The following PRKN variants were observed in gnomAD, a reference collection of about 807,000 sequenced individuals.
The protein encoded by PRKN is E3 ubiquitin-protein ligase parkin.
Under a neutral mutation model 59.5 loss-of-function variants are expected in PRKN, and 56 were observed. The observed-to-expected ratio is 0.94, with a 90% CI of 0.76 to 1.18. The LOEUF (loss-of-function observed/expected upper bound fraction) is 1.18. Ranked by LOEUF, PRKN falls within the 50% of genes most tolerant of loss-of-function variation. The pLI is 0.00. For synonymous variants in PRKN, 250 were observed against 222.1 expected (o/e 1.13, Z -1.12); for missense variants, 657 against 596.4 (o/e 1.10, Z -1.06).
chr6:162,498,646 T>C (rs531241398), intron 1 of PRKN, among the ~76,000 whole-genome samples: 2 of 151,746 alleles, frequency 1.3e-5, no homozygotes, highest in South Asian at 2.1e-4. Context: ...GGTTTCTCCA[T>C]GTTGGTCAGG....
At chr6:161,820,224 G>C (rs1391849361) in intron 6 of PRKN, among the ~76,000 whole-genome samples, 2 of 151,846 alleles carry the variant, frequency 1.3e-5, no homozygotes, top group African/African-American at 4.8e-5. Flanking sequence ...ATGGTAGTTA[G>C]CTCTGGCAAA....
At chr6:162,332,088 T>C (rs1319398308) in intron 2 of PRKN, among the ~76,000 whole-genome samples, 1 of 152,180 alleles carries the variant, frequency 6.6e-6, no homozygotes, top group East Asian at 1.9e-4. Flanking sequence ...TTACAAATGC[T>C]GGCTCAGCTC....
At position 162,307,807 on chromosome 6, in the gene PRKN, A is replaced by T. The variant is rs541061093; in HGVS notation, c.172-45042T>A. 2.6e-5 allele frequency among the ~76,000 whole-genome samples: 4 copies of T among 151,966 alleles called. No individual in the cohort carries two copies. The South Asian group carries it at 6.2e-4, about 24-fold the overall frequency. On this transcript the variant is annotated intron_variant, in intron 2 of 11. Transcript: ENST00000366898. ...AAACATTTCTCCGCTAGTAATAAGA[A>T]GATGATTATGAAAATGAAAACCTTG...
chr6:162,465,752 T>C (rs886490259), intron 1 of PRKN, among the ~76,000 whole-genome samples: 1 of 152,210 alleles, frequency 6.6e-6, no homozygotes, highest in Non-Finnish European at 1.5e-5. Flanking sequence ...TTAGAAAATA[T>C]ATTATATGAT....
At chr6:161,615,437 T>A (rs184474691) in intron 7 of PRKN, among the ~76,000 whole-genome samples, 33 of 152,360 alleles carry the variant, frequency 2.2e-4, no homozygotes, top group Middle Eastern at 3.4e-3. Flanking sequence ...AATACTTTCA[T>A]GGCTGTTCTC....
intron 9 of PRKN, among the ~76,000 whole-genome samples, chr6:161,424,703 C>T (rs1263823244): frequency 6.6e-6 from 1 of 152,068 alleles, no homozygotes; most frequent in African/African-American, 2.4e-5. Flanking sequence ...TTGGCCACTC[C>T]CTGTACTAAA....
At chr6:161,574,899 C>T (rs753981376) in intron 7 of PRKN, among the ~76,000 whole-genome samples, 1 of 152,166 alleles carries the variant, frequency 6.6e-6, no homozygotes, top group Non-Finnish European at 1.5e-5. Flanking sequence ...TGTTAGCTTT[C>T]TTGACAAGAG....
intron 4 of PRKN, among the ~76,000 whole-genome samples, chr6:162,138,522 G>C (rs900145188): frequency 1.3e-5 from 2 of 151,804 alleles, no homozygotes; most frequent in Admixed American, 6.6e-5. Context: ...ATCGTGCAAA[G>C]AAACATAAAA....
intron 4 of PRKN, among the ~76,000 whole-genome samples, chr6:162,071,895 C>A (rs1778592441): frequency 6.6e-6 from 1 of 152,048 alleles, no homozygotes; most frequent in African/African-American, 2.4e-5. Context: ...CCGCACCCAA[C>A]CTATTTTACT....
In PRKN at chr6:161,538,844, C is replaced by T. The variant is rs576194296; in HGVS notation, c.1083+10010G>A. 2.0e-5 allele frequency among the ~76,000 whole-genome samples: 3 copies of T among 152,234 alleles called. No homozygotes were observed. Among genetic ancestry groups the T allele is most frequent in the South Asian group, 4.2e-4 (2 of 4,816 alleles). ...CTTTCCCAGTGGAATGTTGGACAAGCGAGAGAAATGCCTGTCACTCTAGTC... is the reference window on the plus strand; with the variant it reads ...CTTTCCCAGTGGAATGTTGGACAAGTGAGAGAAATGCCTGTCACTCTAGTC... On this transcript the variant is annotated intron_variant, in intron 9 of 11. Coordinates refer to ENST00000366898, the MANE Select transcript of PRKN (RefSeq NM_004562.3). The surrounding 1 kb of genome is among the most constrained non-coding windows in gnomAD (Gnocchi z 4.2).
chr6:162,659,639 T>A (rs942587016), intron 1 of PRKN, among the ~76,000 whole-genome samples: 3 of 152,112 alleles, frequency 2.0e-5, no homozygotes, highest in Non-Finnish European at 4.4e-5. Context: ...GTACCATGAG[T>A]TATTAACCCA....
chr6:161,770,019 C>T (rs1470771731), intron 7 of PRKN, among the ~76,000 whole-genome samples: 2 of 152,160 alleles, frequency 1.3e-5, no homozygotes, highest in East Asian at 3.9e-4. Context: ...TAGCCACCTG[C>T]ACCCCCAAGA....
intron 2 of PRKN, among the ~76,000 whole-genome samples, chr6:162,427,113 G>GT (rs1242808556): frequency 6.6e-6 from 1 of 152,198 alleles, no homozygotes; most frequent in African/African-American, 2.4e-5. Flanking sequence ...TAATTGAGAA[G>GT]TAATTAGAGA....
intron 3 of PRKN, among the ~76,000 whole-genome samples, chr6:162,214,518 A>T (rs565321793): frequency 6.6e-6 from 1 of 152,352 alleles, no homozygotes; most frequent in Non-Finnish European, 1.5e-5. Context: ...AAATTTAAAC[A>T]GCCAGTTCTG....
chr6:162,187,319 G>A (rs1784071562), intron 4 of PRKN, among the ~76,000 whole-genome samples: 1 of 152,198 alleles, frequency 6.6e-6, no homozygotes, highest in Non-Finnish European at 1.5e-5. Context: ...AGGAGCCAAT[G>A]AGATAAAGTT....
At chr6:161,700,960 A>G (rs2128178910) in intron 7 of PRKN, among the ~76,000 whole-genome samples, 1 of 152,140 alleles carries the variant, frequency 6.6e-6, no homozygotes, top group East Asian at 1.9e-4. Flanking sequence ...CTGGTGTTTT[A>G]TTTTGTTTGT....
At position 161,360,089 on chromosome 6, in the gene PRKN, AT is replaced by A. The variant is rs758718482; in HGVS notation, c.1283del (p.Asn428MetfsTer7). ...ATTCTCTGCTCAGCACAGACTCACC[AT>A]TTTTTTCCACTGGTACATGGCAGCG... is the stretch of plus-strand genomic sequence containing the variant. Reference protein sequence around the residue: ...CPRCHVPVEKNGGCMHMKCPQ... With the variant: ...CPRCHVPVEKXGGCMHMKCPQ... On this transcript the variant is annotated frameshift_variant and splice_region_variant, in exon 11 of 12. Transcript: ENST00000366898. LOFTEE classifies it low-confidence loss of function (END_TRUNC). This position sits in a 1 kb window ranked among gnomAD's most constrained non-coding sequence, Gnocchi z 5.1. 6 of 1,606,208 alleles carry A rather than the reference AT, an allele frequency of 3.7e-6. No individual in the cohort carries two copies. The highest frequency in any genetic ancestry group is 4.3e-6 in the Non-Finnish European group (5 of 1,173,048).
chr6:161,853,987 T>G (rs1277696488), intron 6 of PRKN, among the ~76,000 whole-genome samples: 2 of 151,616 alleles, frequency 1.3e-5, no homozygotes, highest in East Asian at 3.9e-4. Flanking sequence ...GGCTCATGCC[T>G]GTAATCCCAA....
chr6:161,777,748 G>A (rs1045068904), intron 7 of PRKN, among the ~76,000 whole-genome samples: 32 of 124,638 alleles, frequency 2.6e-4, no homozygotes, highest in Non-Finnish European at 4.2e-4. Context: ...TGTATATATA[G>A]ATATATATGT....
Sources: allele counts gnomAD v4.1 joint callset (sites outside exome capture counted in the v4.1 genomes callset), GRCh38; gene constraint gnomAD v4.1.1; non-coding constraint Gnocchi (gnomAD v3.1); transcripts MANE v1.5; gene names NCBI Gene and HGNC (gene_info 2026-07-23, HGNC 2026-07-21).